Variants in CSMD3 observed in about 807,000 individuals in gnomAD.
CSMD3 encodes CUB and sushi domain-containing protein 3.
In CSMD3, 177 loss-of-function variants were observed where a neutral mutation model predicts 435.2. The ratio of observed to expected loss-of-function variants is 0.41; its 90% CI spans 0.36 to 0.46. The LOEUF (loss-of-function observed/expected upper bound fraction) is 0.46. Ranked by LOEUF, CSMD3 falls within the 20% of genes least tolerant of loss-of-function variation. CSMD3 has a pLI of 0.34. For synonymous variants in CSMD3, 1,656 were observed against 1,520.5 expected (o/e 1.09, Z -2.07); for missense variants, 4,265 against 4,504.6 (o/e 0.95, Z 1.52).
chr8:112,594,351 C>T lies in CSMD3; in HGVS notation c.3716-7116G>A, dbSNP rs1053584437. On this transcript the variant is annotated intron_variant, in intron 22 of 70. Coordinates refer to ENST00000297405, the MANE Select transcript of CSMD3 (RefSeq NM_198123.2). ...GCACCACGAGATTATATCCCGCACCCGGCTCGGAGGGTCCTACGCCCACAG... is the reference window on the plus strand; with the variant it reads ...GCACCACGAGATTATATCCCGCACCTGGCTCGGAGGGTCCTACGCCCACAG... Among the ~76,000 whole-genome samples, 66 of 152,198 alleles carry T rather than the reference C, an allele frequency of 4.3e-4. 1 individual carries two copies. Among genetic ancestry groups the T allele is most frequent in the African/African-American group, 1.5e-3 (61 of 41,534 alleles).
chr8:112,444,928 A>G (rs1045431260), intron 32 of CSMD3, among the ~76,000 whole-genome samples: 23 of 152,200 alleles, frequency 1.5e-4, no homozygotes, highest in African/African-American at 5.5e-4. Context: ...GATTCGTTTT[A>G]ACAAAGAAAA....
chr8:112,860,613 T>C (rs529713912), intron 10 of CSMD3, among the ~76,000 whole-genome samples: 2 of 151,780 alleles, frequency 1.3e-5, no homozygotes, highest in South Asian at 2.1e-4. Context: ...AATGAACTCA[T>C]AATTGCTAAA....
At chr8:113,038,410 T>C (rs1564240607) in intron 5 of CSMD3, among the ~76,000 whole-genome samples, 1 of 152,170 alleles carries the variant, frequency 6.6e-6, no homozygotes, top group African/African-American at 2.4e-5. Context: ...TCTGAAAGCA[T>C]ATTAATGAAT....
rs1234503380 is a variant in CSMD3, at chr8:112,505,407, T to A, written c.4895+1284A>T. ...CTGAGATAAAACACAACTTCTGAAT[T>A]TCATCTCTTCCAACATTAAACTTTG... is the stretch of plus-strand genomic sequence containing the variant. On this transcript the variant is annotated intron_variant, in intron 29 of 70. Coordinates refer to ENST00000297405, the MANE Select transcript of CSMD3 (RefSeq NM_198123.2). 2.6e-5 allele frequency among the ~76,000 whole-genome samples: 4 copies of A among 152,270 alleles called. No homozygotes were observed. In the East Asian group the frequency reaches 5.8e-4, roughly 22 times the overall value.
chr8:112,954,625 C>G (rs2083943448), intron 8 of CSMD3, 59 bp downstream of exon 8: 3 of 1,055,730 alleles, frequency 2.8e-6, no homozygotes, highest in South Asian at 1.3e-5. Flanking sequence ...ACAAACAACA[C>G]AGACACCACA....
chr8:112,647,245 T>A (rs1379709337), intron 19 of CSMD3, among the ~76,000 whole-genome samples: 4 of 152,048 alleles, frequency 2.6e-5, no homozygotes, highest in Non-Finnish European at 4.4e-5. Context: ...ATAAAAAAAA[T>A]TCAAGGGCAT....
At chr8:112,966,490 AT>A (rs527406041) in intron 7 of CSMD3, among the ~76,000 whole-genome samples, 1,769 of 146,252 alleles carry the variant, frequency 0.012, 24 homozygotes, top group Non-Finnish European at 0.02. Flanking sequence ...ATTTTTAAAA[AT>A]TTTTTTTTTT....
At chr8:112,609,201 CAAAAAAAAAAAAA>C (rs71566035) in intron 22 of CSMD3, among the ~76,000 whole-genome samples, 4,618 of 43,232 alleles carry the variant, frequency 0.11, 161 homozygotes, top group African/African-American at 0.2. Context: ...GATACTGCCT[CAAAAAAAAAAAAA>C]AAAAAAAAAA....
intron 13 of CSMD3, among the ~76,000 whole-genome samples, chr8:112,760,383 C>A (rs773773084): frequency 6.6e-6 from 1 of 152,086 alleles, no homozygotes; most frequent in African/African-American, 2.4e-5. Context: ...TTTGTTGGGA[C>A]AACGTAAAAT....
intron 27 of CSMD3, among the ~76,000 whole-genome samples, chr8:112,542,405 T>A (rs180814200): frequency 3.4e-4 from 51 of 148,940 alleles, no homozygotes; most frequent in African/African-American, 1.2e-3. Context: ...ATCTCATATA[T>A]AGAAAATCCT....
At chr8:112,605,585 A>G (rs546107421) in intron 22 of CSMD3, among the ~76,000 whole-genome samples, 63 of 146,256 alleles carry the variant, frequency 4.3e-4, no homozygotes, top group Non-Finnish European at 8.2e-4. Flanking sequence ...CTGAGTACAC[A>G]TGGAAACAAA....
At chr8:112,976,375 CT>C (rs1242444598) in intron 6 of CSMD3, among the ~76,000 whole-genome samples, 2 of 151,986 alleles carry the variant, frequency 1.3e-5, no homozygotes, top group African/African-American at 4.8e-5. Flanking sequence ...CACATTTTAA[CT>C]GTAATACATT....
At chr8:113,090,902 T>C (rs993207895) in intron 5 of CSMD3, among the ~76,000 whole-genome samples, 2 of 152,116 alleles carry the variant, frequency 1.3e-5, no homozygotes, top group African/African-American at 4.8e-5. Flanking sequence ...TAAAATATCC[T>C]AACCTACCAC....
intron 24 of CSMD3, among the ~76,000 whole-genome samples, chr8:112,562,926 A>G (rs1828761845): frequency 6.6e-6 from 1 of 151,722 alleles, no homozygotes; most frequent in African/African-American, 2.4e-5. Flanking sequence ...TTAACAATCT[A>G]TTTCTTTTTG....
At chr8:112,961,567 A>C (rs1369846229) in intron 7 of CSMD3, among the ~76,000 whole-genome samples, 5 of 151,908 alleles carry the variant, frequency 3.3e-5, no homozygotes, top group Admixed American at 2.6e-4. Flanking sequence ...TTTTAGGCTA[A>C]GAAATAAGTG....
chr8:112,723,129 C>T (rs569093156), intron 13 of CSMD3, among the ~76,000 whole-genome samples: 1 of 151,506 alleles, frequency 6.6e-6, no homozygotes, highest in South Asian at 2.1e-4. Context: ...ATGTAATAAT[C>T]ATTAACCTAA....
chr8:112,314,784 G>T (rs1822310523), intron 47 of CSMD3, among the ~76,000 whole-genome samples, 167 bp from the exon 48 acceptor site: 1 of 151,938 alleles, frequency 6.6e-6, no homozygotes, highest in African/African-American at 2.4e-5. Context: ...TTCAAAAGCT[G>T]GAGGAATGAC....
At chr8:112,319,257 C>T (rs1822760342) in intron 46 of CSMD3, among the ~76,000 whole-genome samples, 1 of 151,946 alleles carries the variant, frequency 6.6e-6, no homozygotes, top group Non-Finnish European at 1.5e-5. Flanking sequence ...AATAAAAATA[C>T]AACAAGTAGT....
chr8:112,863,878 C>A (rs980283664), intron 10 of CSMD3, among the ~76,000 whole-genome samples: 1 of 140,972 alleles, frequency 7.1e-6, no homozygotes, highest in African/African-American at 2.7e-5. Context: ...AGAAAAAAAA[C>A]CTTGTAAATA....
Sources: allele counts gnomAD v4.1 joint callset (sites outside exome capture counted in the v4.1 genomes callset), GRCh38; gene constraint gnomAD v4.1.1; transcripts MANE v1.5; gene names NCBI Gene and HGNC (gene_info 2026-07-23, HGNC 2026-07-21).